The following DRC8 variants were observed in gnomAD, a reference collection of about 807,000 sequenced individuals.
DRC8 encodes dynein regulatory complex subunit 8.
At chr1:245,102,159 T>C in the DRC8 span, among the ~76,000 whole-genome samples, 3 of 152,186 alleles carry the variant, frequency 2.0e-5, no homozygotes, top group Admixed American at 2.0e-4. Flanking sequence ...TGGGACACTT[T>C]ATGAGCAGCC....
chr1:245,054,768 T>A, the DRC8 span, among the ~76,000 whole-genome samples: 1 of 152,234 alleles, frequency 6.6e-6, no homozygotes, highest in Non-Finnish European at 1.5e-5. Context: ...ATCCTTCTCC[T>A]GCACTTCGCA....
At chr1:245,114,601 C>T in the DRC8 span, among the ~76,000 whole-genome samples, 37 of 152,056 alleles carry the variant, frequency 2.4e-4, 2 homozygotes, top group East Asian at 1.3e-3. Flanking sequence ...GCTGAGGACT[C>T]GTTCAAGAGG....
chr1:245,082,482 T>C, the DRC8 span, among the ~76,000 whole-genome samples: 1 of 152,222 alleles, frequency 6.6e-6, no homozygotes, highest in Non-Finnish European at 1.5e-5. Flanking sequence ...AGCAAAAATA[T>C]AGCATTAGCT....
At chr1:245,001,123 A>G in the DRC8 span, among the ~76,000 whole-genome samples, 1 of 152,218 alleles carries the variant, frequency 6.6e-6, no homozygotes, top group Non-Finnish European at 1.5e-5. Context: ...ATACATACAT[A>G]GTATATGTTT....
At chr1:245,057,756 G>A in the DRC8 span, among the ~76,000 whole-genome samples, 1 of 152,026 alleles carries the variant, frequency 6.6e-6, no homozygotes, top group African/African-American at 2.4e-5. Context: ...GGGCAATTGG[G>A]ATATCCATCA....
At chr1:245,101,414 C>T in the DRC8 span, among the ~76,000 whole-genome samples, 92 of 152,160 alleles carry the variant, frequency 6.0e-4, 1 homozygote, top group East Asian at 0.014. Context: ...TTTGATTTGG[C>T]GGGACCAGAT....
the DRC8 span, among the ~76,000 whole-genome samples, chr1:245,113,506 C>T: frequency 9.9e-5 from 15 of 152,078 alleles, no homozygotes; most frequent in South Asian, 2.1e-4. Context: ...AAGTTGAAGA[C>T]GTGGTTATTG....
chr1:245,014,465 A>T, the DRC8 span, among the ~76,000 whole-genome samples: 1 of 152,210 alleles, frequency 6.6e-6, no homozygotes, highest in Non-Finnish European at 1.5e-5. Flanking sequence ...TTAAATTAGC[A>T]AAAGTTTATT....
chr1:245,070,369 A>G, the DRC8 span, among the ~76,000 whole-genome samples: 3 of 152,220 alleles, frequency 2.0e-5, no homozygotes, highest in Admixed American at 2.0e-4. Flanking sequence ...AAAGGTTGCT[A>G]ACAATTTTTA....
At chr1:245,067,109 C>A in the DRC8 span, among the ~76,000 whole-genome samples, 1 of 152,250 alleles carries the variant, frequency 6.6e-6, no homozygotes, top group South Asian at 2.1e-4. Context: ...CCATGAATGA[C>A]TGCAATGGCA....
chr1:245,060,949 C>G, the DRC8 span, among the ~76,000 whole-genome samples: 3 of 152,230 alleles, frequency 2.0e-5, no homozygotes, highest in Non-Finnish European at 4.4e-5. Flanking sequence ...ATGGTTGTTT[C>G]CTGACTACAA....
At chr1:245,079,899 A>G in the DRC8 span, among the ~76,000 whole-genome samples, 1 of 152,356 alleles carries the variant, frequency 6.6e-6, no homozygotes, top group Admixed American at 6.5e-5. Context: ...CGTCAGAGCC[A>G]TATGAACATT....
chr1:245,111,250 A>C, the DRC8 span, among the ~76,000 whole-genome samples: 1 of 152,210 alleles, frequency 6.6e-6, no homozygotes, highest in Non-Finnish European at 1.5e-5. Flanking sequence ...ACTCGTGGGC[A>C]CTGAGTCGAG....
chr1:245,018,829 G>A, the DRC8 span, among the ~76,000 whole-genome samples: 1 of 152,242 alleles, frequency 6.6e-6, no homozygotes, highest in South Asian at 2.1e-4. Flanking sequence ...TTTATTTATG[G>A]GTTAAGGGTT....
the DRC8 span, among the ~76,000 whole-genome samples, chr1:245,082,619 A>C: frequency 1.3e-5 from 2 of 152,226 alleles, no homozygotes; most frequent in South Asian, 4.1e-4. Context: ...GGTATTTTCA[A>C]CTTTCATATC....
chr1:245,035,970 T>C, the DRC8 span, among the ~76,000 whole-genome samples: 1 of 152,068 alleles, frequency 6.6e-6, no homozygotes, highest in South Asian at 2.1e-4. Flanking sequence ...GTTTGTGACT[T>C]TGGATTAGGC....
the DRC8 span, among the ~76,000 whole-genome samples, chr1:244,991,986 C>T: frequency 6.6e-6 from 1 of 152,050 alleles, no homozygotes; most frequent in African/African-American, 2.4e-5. Flanking sequence ...TGTTTTAAAC[C>T]AAAACCCATA....
the DRC8 span, among the ~76,000 whole-genome samples, chr1:245,065,735 T>C: frequency 6.6e-6 from 1 of 151,932 alleles, no homozygotes; most frequent in African/African-American, 2.4e-5. Flanking sequence ...CTGGGTAATC[T>C]GGGAATCACC....
the DRC8 span, among the ~76,000 whole-genome samples, chr1:245,022,737 ATGTG>A: frequency 8.6e-5 from 13 of 151,904 alleles, no homozygotes; most frequent in African/African-American, 2.4e-4. Flanking sequence ...GTGTGTGTGC[ATGTG>A]TGTATTTTTT....
Sources: allele counts gnomAD v4.1 joint callset (sites outside exome capture counted in the v4.1 genomes callset), GRCh38; gene constraint gnomAD v4.1.1; transcripts MANE v1.5; gene names NCBI Gene and HGNC (gene_info 2026-07-23, HGNC 2026-07-21).